The following SORT1 variants were observed in gnomAD, a reference collection of about 807,000 sequenced individuals.
The protein encoded by SORT1 is sortilin.
In SORT1, 39 loss-of-function variants were observed where a neutral mutation model predicts 101.7. That is an observed-to-expected ratio of 0.38 (90% CI 0.30 to 0.50). The LOEUF is 0.50. SORT1 is among the 20% of genes least tolerant of loss of function. The pLI is 0.90. For missense variants in SORT1, 878 were observed against 1,040.4 expected (o/e 0.84, Z 2.15); for synonymous variants, 396 against 393.7 (o/e 1.01, Z -0.07).
At position 109,373,699 on chromosome 1, in the gene SORT1, A is replaced by G. The variant is rs145282644; in HGVS notation, c.307-4110T>C. On this transcript the variant is annotated intron_variant, in intron 1 of 19. Transcript: ENST00000256637. ...AAAAGGATCAAACTGTTTCCAAGTA[A>G]CCAGTGTTCCAGAACAAAGTTCAAG... 4.3e-4 allele frequency among the ~76,000 whole-genome samples: 66 copies of G among 152,368 alleles called. No homozygotes were observed. The East Asian group carries it at 0.012, about 27-fold the overall frequency.
In SORT1 at chr1:109,322,182, C is replaced by G. The variant is rs534610749; in HGVS notation, c.2024+750G>C. ...CAAACTCCTGAGTTTAAGCAATCCA[C>G]CCGCCTCGGCCTCCCAAAGTGCTGG... is the stretch of plus-strand genomic sequence containing the variant. On this transcript the variant is annotated intron_variant, in intron 15 of 19. Transcript: ENST00000256637. Among the ~76,000 whole-genome samples, 4 of 152,098 alleles carry G rather than the reference C, an allele frequency of 2.6e-5. No individual in the cohort carries two copies. The East Asian group carries it at 7.7e-4, about 29-fold the overall frequency.
At chr1:109,346,865 G>T (rs1363324389) in intron 7 of SORT1, among the ~76,000 whole-genome samples, 4 of 152,062 alleles carry the variant, frequency 2.6e-5, no homozygotes, top group Non-Finnish European at 5.9e-5. Flanking sequence ...TTAAGGGCTG[G>T]GGGTCTTGCC....
chr1:109,349,296 G>C (rs1177683990), intron 6 of SORT1, among the ~76,000 whole-genome samples: 3 of 152,036 alleles, frequency 2.0e-5, no homozygotes, highest in South Asian at 2.1e-4. Context: ...AGTGAGCCGA[G>C]ATTGCACCAC....
At chr1:109,326,464 T>TAC (rs1295210196) in intron 13 of SORT1, among the ~76,000 whole-genome samples, 3 of 64,122 alleles carry the variant, frequency 4.7e-5, no homozygotes, top group African/African-American at 1.8e-4. Context: ...TATATATATA[T>TAC]ACATACACAC....
chr1:109,324,358 G>C (rs974585458), intron 14 of SORT1, among the ~76,000 whole-genome samples: 9 of 152,084 alleles, frequency 5.9e-5, no homozygotes, highest in African/African-American at 1.9e-4. Flanking sequence ...GGCTGGTTTC[G>C]AACTCCTGAC....
At chr1:109,373,754 C>T (rs1416039687) in intron 1 of SORT1, among the ~76,000 whole-genome samples, 1 of 152,154 alleles carries the variant, frequency 6.6e-6, no homozygotes, top group African/African-American at 2.4e-5. Flanking sequence ...AAATATCTAG[C>T]ACCCAACAAG....
rs745578329 is a variant in SORT1 at position 109,342,109 on chromosome 1, C to G, written c.1013G>C (p.Ser338Thr). The G allele has an allele frequency of 3.7e-6, 6 of 1,612,326 alleles. No individual in the cohort carries two copies. In the African/African-American group the frequency reaches 6.7e-5, roughly 18 times the overall value. The change falls in exon 9 of 20, where the codon AGC becomes ACC. Residue 338 changes from serine (S) to threonine (T), a missense_variant. This residue lies in a region of SORT1 where 684 missense variants were observed against 894.5 expected (regional missense o/e 0.76). Coordinates refer to ENST00000256637, the MANE Select transcript of SORT1 (RefSeq NM_002959.7). ...TCCCACGGAGGGGAGCTGGGCCATG[C>G]TCCATGTGTCCCCTTGATCTGTTGA... Reference protein sequence around the residue: ...HVSTDQGDTWSMAQLPSVGQE... With the variant: ...HVSTDQGDTWTMAQLPSVGQE...
At chr1:109,355,729 G>A (rs964800167) in intron 3 of SORT1, among the ~76,000 whole-genome samples, 2 of 138,564 alleles carry the variant, frequency 1.4e-5, no homozygotes, top group African/African-American at 5.3e-5. Flanking sequence ...GGAGATAAAA[G>A]GTGGGTGGGA....
intron 6 of SORT1, among the ~76,000 whole-genome samples, chr1:109,350,131 C>T (rs768810434): frequency 2.0e-5 from 3 of 152,170 alleles, no homozygotes; most frequent in Non-Finnish European, 4.4e-5. Context: ...CATATCCTAC[C>T]TCTGTAACCA....
At chr1:109,365,315 C>T (rs534286283) in intron 3 of SORT1, among the ~76,000 whole-genome samples, 4 of 152,266 alleles carry the variant, frequency 2.6e-5, no homozygotes, top group African/African-American at 7.2e-5. Context: ...CTCAACCTCC[C>T]GGACCCAAGA....
intron 15 of SORT1, among the ~76,000 whole-genome samples, chr1:109,322,322 T>G (rs1048649239): frequency 6.6e-6 from 1 of 152,156 alleles, no homozygotes; most frequent in African/African-American, 2.4e-5. Flanking sequence ...TCTACAGATT[T>G]TTGTTTGTTT....
At chr1:109,350,905 C>A (rs752541645) in intron 6 of SORT1, 24 bp downstream of exon 6, 2 of 1,519,364 alleles carry the variant, frequency 1.3e-6, no homozygotes, top group Non-Finnish European at 1.8e-6. Flanking sequence ...GGGCTCTGCA[C>A]AGATGGAGTC....
chr1:109,363,012 A>G (rs917628902), intron 3 of SORT1, among the ~76,000 whole-genome samples: 19 of 152,204 alleles, frequency 1.2e-4, no homozygotes, highest in Non-Finnish European at 1.5e-5. Flanking sequence ...CTTTTAAAAA[A>G]ATCTCAAGTA....
At chr1:109,345,413 G>A (rs536164645) in intron 8 of SORT1, among the ~76,000 whole-genome samples, 1 of 152,116 alleles carries the variant, frequency 6.6e-6, no homozygotes, top group Admixed American at 6.5e-5. Context: ...TACTTGGGAG[G>A]TTGAGGCAGG....
At chr1:109,385,998 C>T (rs933253062) in intron 1 of SORT1, among the ~76,000 whole-genome samples, 1 of 152,096 alleles carries the variant, frequency 6.6e-6, no homozygotes, top group Non-Finnish European at 1.5e-5. Flanking sequence ...TATAGGTGCT[C>T]GACAAACAAC....
chr1:109,329,630 C>A (rs968753174), intron 11 of SORT1, among the ~76,000 whole-genome samples: 1 of 152,126 alleles, frequency 6.6e-6, no homozygotes. Context: ...AGTTACCACA[C>A]AATGATAAAG....
Position 109,312,662 on chromosome 1 carries a change from CTA to C in SORT1, c.*1379_*1380del, listed in dbSNP as rs1249082913. Reference sequence around the variant, plus strand: ...ACATTAAGACCAAAAACTTTCCATACTATATTTCTATATAGCAAATATTCAAG... The same window carrying C: ...ACATTAAGACCAAAAACTTTCCATACTATTTCTATATAGCAAATATTCAAG... On this transcript the variant is annotated 3_prime_UTR_variant, in exon 20 of 20. Transcript: ENST00000256637. The C allele has an allele frequency of 2.6e-5, 4 of 152,584 alleles. No homozygotes were observed. The highest frequency in any genetic ancestry group is 2.1e-4 in the South Asian group (1 of 4,830). 9.5% of individuals were successfully genotyped at this position (152,584 alleles called of 1,614,324 possible).
intron 1 of SORT1, among the ~76,000 whole-genome samples, chr1:109,390,807 G>A (rs1440102519): frequency 1.3e-5 from 2 of 151,546 alleles, no homozygotes; most frequent in Non-Finnish European, 2.9e-5. Context: ...GTGCGCGCGC[G>A]CGTTTTAGGA....
At chr1:109,386,868 C>A (rs1652601649) in intron 1 of SORT1, among the ~76,000 whole-genome samples, 1 of 152,088 alleles carries the variant, frequency 6.6e-6, no homozygotes, top group Non-Finnish European at 1.5e-5. Flanking sequence ...AGCAGCTGCT[C>A]AGTTAAAGAA....
Sources: gnomAD v4.1 joint callset for allele counts (sites outside exome capture counted in the v4.1 genomes callset) on GRCh38, gnomAD v4.1.1 for gene constraint, gnomAD v4.1.1 regional missense constraint, MANE v1.5 for transcripts, NCBI Gene and HGNC (gene_info 2026-07-23, HGNC 2026-07-21) for gene names.